Variants in ANKRD10 observed in about 807,000 individuals in gnomAD.
ANKRD10 encodes ankyrin repeat domain 10, also known as ankyrin repeat domain-containing protein 10.
In ANKRD10, 14 loss-of-function variants were observed where a neutral mutation model predicts 27.0. The ratio of observed to expected loss-of-function variants is 0.52; its 90% CI spans 0.34 to 0.81. ANKRD10 has a LOEUF of 0.81. Among genes scored for constraint, ANKRD10 ranks in the 40% least tolerant of loss-of-function variants. ANKRD10 has a pLI of 0.01. For missense variants in ANKRD10, 493 were observed against 544.0 expected (o/e 0.91, Z 0.93); for synonymous variants, 250 against 224.5 (o/e 1.11, Z -1.01).
chr13:110,915,011 C>A lies in ANKRD10; in HGVS notation c.-77G>T, dbSNP rs1476530858. 2.0e-6 allele frequency: 3 copies of A among 1,477,162 alleles called. No homozygotes were observed. The highest frequency in any genetic ancestry group is 2.2e-5 in the Admixed American group (1 of 44,556). The allele number at this position is 1,477,162 out of a possible 1,614,324, so 91.5% of individuals were successfully genotyped here. A position where few individuals can be genotyped will look rare whatever the true frequency, so the allele number is the denominator to read the frequency against. On this transcript the variant is annotated 5_prime_UTR_variant, in exon 1 of 6. Transcript: ENST00000267339. ...AGGACTCGAGAAGCCGCCGCCGCAG[C>A]ACAAAGGAACGAGACTAGCGCCGCG...
At chr13:110,885,550 A>G (rs2064907045) in intron 4 of ANKRD10, among the ~76,000 whole-genome samples, 1 of 152,062 alleles carries the variant, frequency 6.6e-6, no homozygotes, top group African/African-American at 2.4e-5. Context: ...CCATCTAAAA[A>G]AAAAGAAAAA....
intron 1 of ANKRD10, 117 bp from the exon 2 acceptor site, chr13:110,910,887 C>T (rs1196460555): frequency 4.7e-6 from 5 of 1,073,180 alleles, no homozygotes; most frequent in African/African-American, 1.6e-5. Context: ...AGTTTTTTAA[C>T]AGATTAAGTC....
chr13:110,913,094 A>G (rs1025913425), intron 1 of ANKRD10, among the ~76,000 whole-genome samples: 3 of 152,252 alleles, frequency 2.0e-5, no homozygotes, highest in Admixed American at 2.0e-4. Context: ...TTTTAAAGTA[A>G]CTATTTTAAT....
rs190260869 is a variant in ANKRD10 at position 110,897,281 on chromosome 13, C to T, written c.456-4018G>A. ...TAGCTAGGTATACAGGCATGTGCTA[C>T]CATGCCTGGCTACTTTTTTTTTTTT... On this transcript the variant is annotated intron_variant, in intron 3 of 5. Transcript: ENST00000267339. 2.8e-5 allele frequency among the ~76,000 whole-genome samples: 4 copies of T among 144,088 alleles called. No homozygotes were observed. In the Admixed American group the frequency reaches 2.9e-4, roughly 10 times the overall value. 94.5% of individuals were successfully genotyped at this position (144,088 alleles called of 152,430 possible).
chr13:110,898,841 T>C (rs1456466751), intron 3 of ANKRD10, among the ~76,000 whole-genome samples: 2 of 148,356 alleles, frequency 1.3e-5, no homozygotes, highest in East Asian at 4.2e-4. Flanking sequence ...CCGCAACCTC[T>C]GCCTCCCAGG....
At chr13:110,884,299 A>T (rs1241576375) in intron 4 of ANKRD10, among the ~76,000 whole-genome samples, 1 of 152,222 alleles carries the variant, frequency 6.6e-6, no homozygotes, top group Non-Finnish European at 1.5e-5. Context: ...GAGCACCAAA[A>T]TACAGTAAAA....
chr13:110,885,246 A>G (rs1594539116), intron 4 of ANKRD10, among the ~76,000 whole-genome samples: 2 of 152,040 alleles, frequency 1.3e-5, no homozygotes, highest in Admixed American at 1.3e-4. Context: ...GCATCTTTTG[A>G]AAAAAAGAGA....
intron 3 of ANKRD10, chr13:110,903,407 A>G (rs1302942392): frequency 6.5e-6 from 1 of 154,420 alleles, no homozygotes; most frequent in African/African-American, 2.4e-5. Flanking sequence ...CCTCACACAC[A>G]GAAAACTTGG....
intron 3 of ANKRD10, among the ~76,000 whole-genome samples, chr13:110,896,413 T>C (rs1414450132): frequency 1.3e-5 from 2 of 152,234 alleles, no homozygotes; most frequent in African/African-American, 4.8e-5. Context: ...TGTTGGTACC[T>C]GACTCAGGAA....
At chr13:110,907,079 C>CT (rs1158701462) in intron 2 of ANKRD10, among the ~76,000 whole-genome samples, 32 of 248 alleles carry the variant, frequency 0.13, 9 homozygotes, top group African/African-American at 0.13. Context: ...AGCAACACTT[C>CT]TTTTTTTTTT....
In ANKRD10 at chr13:110,893,835, T is replaced by C. The variant is rs540640254; in HGVS notation, c.456-572A>G. On this transcript the variant is annotated intron_variant, in intron 3 of 5. Coordinates refer to ENST00000267339, the MANE Select transcript of ANKRD10 (RefSeq NM_017664.4). ...AACAGCTGTGTTTTTCTGTCAGATT[T>C]TGATTGTTTTGGCCTTGCTTGGGAA... 2.1e-4 allele frequency among the ~76,000 whole-genome samples: 32 copies of C among 152,368 alleles called. No individual in the cohort carries two copies. In the South Asian group the frequency reaches 6.2e-3, roughly 30 times the overall value.
rs3742185 is a variant in ANKRD10 at position 110,879,941 on chromosome 13, G to A, written c.959C>T (p.Pro320Leu). The A allele has an allele frequency of 0.037, 60,032 of 1,614,132 alleles. 2,665 individuals are homozygous for A. Among genetic ancestry groups the A allele is most frequent in the South Asian group, 0.17 (15,866 of 91,078 alleles). Residue 320 changes from proline (P) to leucine (L), a missense_variant, in exon 6 of 6, where the codon CCG becomes CTG. Pro to Leu is a moderately conservative substitution (Grantham distance 98). Coordinates refer to ENST00000267339, the MANE Select transcript of ANKRD10 (RefSeq NM_017664.4). ...SSGLAPGQPF[P>L]SSQGSLCISG... ...AATGCAGAGAGAACCCTGGCTACTC[G>A]GAAACGGCTGTCCTGGGGCTAATCC... is the stretch of plus-strand genomic sequence containing the variant.
At chr13:110,896,612 G>A (rs1222946310) in intron 3 of ANKRD10, among the ~76,000 whole-genome samples, 1 of 152,164 alleles carries the variant, frequency 6.6e-6, no homozygotes, top group Admixed American at 6.5e-5. Context: ...TAATCCAGAA[G>A]GCACTTTTCT....
chr13:110,898,833 G>A (rs548969708), intron 3 of ANKRD10, among the ~76,000 whole-genome samples: 44 of 138,568 alleles, frequency 3.2e-4, no homozygotes, highest in South Asian at 2.4e-3. Flanking sequence ...TCGGCTCACC[G>A]CAACCTCTGC....
intron 1 of ANKRD10, among the ~76,000 whole-genome samples, chr13:110,912,447 A>C (rs2065743871): frequency 6.6e-6 from 1 of 152,234 alleles, no homozygotes; most frequent in South Asian, 2.1e-4. Flanking sequence ...GGTGAAAATG[A>C]AAGTATTAAT....
At chr13:110,898,285 C>T (rs2065282031) in intron 3 of ANKRD10, among the ~76,000 whole-genome samples, 1 of 152,006 alleles carries the variant, frequency 6.6e-6, no homozygotes, top group Non-Finnish European at 1.5e-5. Flanking sequence ...ATTTCAAGTA[C>T]GTTAGACTGA....
Position 110,883,756 on chromosome 13 carries a change from G to T in ANKRD10, c.729C>A (p.Gly243=). 1 of 1,614,050 alleles carries T rather than the reference G, an allele frequency of 6.2e-7. No individual in the cohort carries two copies. The highest frequency in any genetic ancestry group is 1.1e-5 in the South Asian group (1 of 91,072). Residue 243 remains glycine, a synonymous_variant, in exon 5 of 6, where the codon GGC becomes GGA. Transcript: ENST00000267339. ...TTTTGTCAGCATCGTCTTCTGTGTC[G>T]CCATTCGTGAGTGGCACGGCAGAAT... is the stretch of plus-strand genomic sequence containing the variant. The part of the protein sequence containing the change: ...SLDSAVPLTN[G]DTEDDADKMH...
chr13:110,887,185 G>A (rs1158449156), intron 4 of ANKRD10, among the ~76,000 whole-genome samples: 5 of 152,130 alleles, frequency 3.3e-5, no homozygotes, highest in Admixed American at 2.6e-4. Context: ...GCAACTAAAC[G>A]GTCTGCATTT....
intron 3 of ANKRD10, among the ~76,000 whole-genome samples, chr13:110,901,516 AC>A (rs1230645926): frequency 1.3e-5 from 2 of 152,238 alleles, no homozygotes; most frequent in Non-Finnish European, 2.9e-5. Flanking sequence ...TGAAAGCACT[AC>A]CTATAAAAGT....
Sources: gnomAD v4.1 joint callset for allele counts (sites outside exome capture counted in the v4.1 genomes callset) on GRCh38, gnomAD v4.1.1 for gene constraint, MANE v1.5 for transcripts, NCBI Gene and HGNC (gene_info 2026-07-23, HGNC 2026-07-21) for gene names.